FAM135B: variants seen among roughly 807,000 people sequenced by gnomAD.
The protein encoded by FAM135B is family with sequence similarity 135 member B.
FAM135B carries 43 observed loss-of-function variants against 127.7 expected under a neutral mutation model. The observed-to-expected ratio is 0.34, with a 90% CI of 0.26 to 0.43. The LOEUF (loss-of-function observed/expected upper bound fraction) is 0.43. Ranked by LOEUF, FAM135B falls within the 20% of genes least tolerant of loss-of-function variation. The pLI is 1.00. For missense variants in FAM135B, 1,558 were observed against 1,725.6 expected, an observed-to-expected ratio of 0.90 and a Z score of 1.72; for synonymous variants, 670 against 665.1, an observed-to-expected ratio of 1.01 and a Z score of -0.11.
At chr8:138,447,498 T>C (rs945232237) in intron 1 of FAM135B, among the ~76,000 whole-genome samples, 9 of 152,184 alleles carry the variant, frequency 5.9e-5, no homozygotes, top group African/African-American at 2.2e-4. Flanking sequence ...GTTCATGTCC[T>C]TCGTAGGGAC....
intron 19 of FAM135B, among the ~76,000 whole-genome samples, chr8:138,134,282 T>G: frequency 6.6e-6 from 1 of 152,280 alleles, no homozygotes; most frequent in Non-Finnish European, 1.5e-5. Flanking sequence ...ATAACAAGAA[T>G]AATGAATAAA....
At chr8:138,441,385 A>C (rs1377436148) in intron 1 of FAM135B, 1 of 152,192 alleles carries the variant, frequency 6.6e-6, no homozygotes, top group African/African-American at 2.4e-5. Context: ...CACACCCAAC[A>C]AGTCTCTTCT....
At chr8:138,468,043 C>A (rs1247631304) in intron 1 of FAM135B, among the ~76,000 whole-genome samples, 1 of 152,038 alleles carries the variant, frequency 6.6e-6, no homozygotes, top group Admixed American at 6.5e-5. Flanking sequence ...CATTCATGCG[C>A]TGATAAAGAA....
intron 1 of FAM135B, among the ~76,000 whole-genome samples, chr8:138,419,544 A>G (rs957049001): frequency 1.3e-5 from 2 of 152,156 alleles, no homozygotes; most frequent in Non-Finnish European, 2.9e-5. Flanking sequence ...CCCAACAATA[A>G]CAGAATATAC....
intron 3 of FAM135B, among the ~76,000 whole-genome samples, chr8:138,297,253 G>A (rs1825542946): frequency 6.6e-6 from 1 of 152,166 alleles, no homozygotes; most frequent in African/African-American, 2.4e-5. Context: ...AGGCAGAGCC[G>A]CTGCCGTTTG....
chr8:138,139,172 G>T, intron 17 of FAM135B, 76 bp from the exon 18 acceptor site: 1 of 868,334 alleles, frequency 1.2e-6, no homozygotes, highest in Non-Finnish European at 1.8e-6. Flanking sequence ...ATTTTGGTGA[G>T]ATGAACGTTA....
At chr8:138,155,976 A>C (rs1818695105) in intron 12 of FAM135B, among the ~76,000 whole-genome samples, 1 of 152,174 alleles carries the variant, frequency 6.6e-6, no homozygotes, top group African/African-American at 2.4e-5. Flanking sequence ...TCTCCACCCC[A>C]AATCAACAGA....
intron 3 of FAM135B, among the ~76,000 whole-genome samples, chr8:138,279,433 G>T (rs564772285): frequency 7.9e-5 from 12 of 152,262 alleles, no homozygotes; most frequent in Admixed American, 6.5e-4. Context: ...TCAAAAGTCT[G>T]CCTGTTTCTC....
chr8:138,292,785 G>GA (rs1471743116), intron 3 of FAM135B, among the ~76,000 whole-genome samples: 9 of 152,102 alleles, frequency 5.9e-5, no homozygotes, highest in Non-Finnish European at 4.4e-5. Context: ...TCAATATCGT[G>GA]AAAATGACCA....
chr8:138,155,338 C>A (rs201028697), intron 12 of FAM135B, among the ~76,000 whole-genome samples: 1 of 152,302 alleles, frequency 6.6e-6, no homozygotes, highest in East Asian at 1.9e-4. Flanking sequence ...CCACTGCAAA[C>A]ACATGCCAAA....
At chr8:138,172,019 A>C (rs10107020) in intron 11 of FAM135B, among the ~76,000 whole-genome samples, 106,322 of 152,080 alleles carry the variant, frequency 0.7, 38,522 homozygotes, top group East Asian at 0.98. Context: ...TGCATGCACA[A>C]GTGCATGTTT....
chr8:138,364,563 A>G (rs340704), intron 2 of FAM135B, among the ~76,000 whole-genome samples: 151,384 of 152,260 alleles, frequency 0.99, 75,264 homozygotes, highest in East Asian at 1. Context: ...CACCTTCCTT[A>G]AAACCGTGAA....
chr8:138,441,828 G>A lies in FAM135B; in HGVS notation c.-20+54843C>T, dbSNP rs938709653. 2.0e-5 allele frequency: 3 copies of A among 152,000 alleles called. No homozygotes were observed. In the East Asian group the frequency reaches 5.8e-4, roughly 29 times the overall value. The allele number at this position is 152,000 out of a possible 1,614,324, so 9.4% of individuals were successfully genotyped here. A position where few individuals can be genotyped will look rare whatever the true frequency, so the allele number is the denominator to read the frequency against. On this transcript the variant is annotated intron_variant, in intron 1 of 19. Transcript: ENST00000395297. ...TTACCCTCAGCAGCTGTGAGAAGGG[G>A]GTAGTCTGAAGACTCAAAGAGTGCA...
chr8:138,166,368 CTGTGTGAAAGCA>C (rs1242485459), intron 12 of FAM135B, among the ~76,000 whole-genome samples: 2 of 152,222 alleles, frequency 1.3e-5, no homozygotes, highest in African/African-American at 2.4e-5. Flanking sequence ...TTAACAAACT[CTGTGTGAAAGCA>C]TGTGTGAAAG....
At chr8:138,281,876 T>G (rs1824294960) in intron 3 of FAM135B, among the ~76,000 whole-genome samples, 1 of 152,202 alleles carries the variant, frequency 6.6e-6, no homozygotes, top group Non-Finnish European at 1.5e-5. Context: ...AGTGGCACAT[T>G]AATGGCTCAC....
At chr8:138,254,015 G>A (rs971565743) in intron 5 of FAM135B, among the ~76,000 whole-genome samples, 1 of 152,188 alleles carries the variant, frequency 6.6e-6, no homozygotes, top group Non-Finnish European at 1.5e-5. Context: ...GTGCTCAGGA[G>A]AGGAAGCAAC....
At chr8:138,231,500 C>A (rs999556248) in intron 7 of FAM135B, among the ~76,000 whole-genome samples, 2 of 152,044 alleles carry the variant, frequency 1.3e-5, no homozygotes, top group African/African-American at 4.8e-5. Flanking sequence ...AAAGAGCAAA[C>A]ACTAATATAA....
intron 2 of FAM135B, among the ~76,000 whole-genome samples, chr8:138,357,055 T>C (rs1313346868): frequency 1.3e-5 from 2 of 152,126 alleles, no homozygotes; most frequent in African/African-American, 2.4e-5. Flanking sequence ...TGAATCTTCA[T>C]GAACATTAAC....
chr8:138,292,658 A>C (rs1026470046), intron 3 of FAM135B, among the ~76,000 whole-genome samples: 4 of 152,116 alleles, frequency 2.6e-5, no homozygotes, highest in African/African-American at 9.6e-5. Flanking sequence ...TAAAATTCAT[A>C]AAAGAGTCCA....
Sources: gnomAD v4.1 joint callset for allele counts (sites outside exome capture counted in the v4.1 genomes callset) on GRCh38, gnomAD v4.1.1 for gene constraint, MANE v1.5 for transcripts, NCBI Gene and HGNC (gene_info 2026-07-23, HGNC 2026-07-21) for gene names.